Variants in CRISP2 observed in about 807,000 individuals in gnomAD.
CRISP2 encodes the protein cysteine rich secretory protein 2, also known as cysteine-rich secretory protein 2.
CRISP2 carries 29 observed loss-of-function variants against 31.7 expected under a neutral mutation model. The observed-to-expected ratio is 0.92, with a 90% CI of 0.68 to 1.25. CRISP2 has a LOEUF of 1.25. Ranked by LOEUF, CRISP2 falls within the 50% of genes most tolerant of loss-of-function variation. The probability of loss-of-function intolerance (pLI) is 0.00; values close to 1 mark genes in which losing one functional copy is unlikely to be tolerated. For missense variants in CRISP2, 318 were observed against 286.5 expected (o/e 1.11, Z -0.79); for synonymous variants, 111 against 101.4 (o/e 1.09, Z -0.57).
rs1442915414 is a variant in CRISP2 at position 49,701,519 on chromosome 6, TATATATAC to T, written c.67-743_67-736del. Among the ~76,000 whole-genome samples the T allele has an allele frequency of 2.9e-4, 37 of 128,208 alleles. 1 individual carries two copies. Among genetic ancestry groups the T allele is most frequent in the Non-Finnish European group, 4.9e-4 (31 of 62,794 alleles). 84.1% of individuals were successfully genotyped at this position (128,208 alleles called of 152,430 possible). On this transcript the variant is annotated intron_variant, in intron 4 of 9. Transcript: ENST00000339139. ...GTGTGTGTATATATATATATATATA[TATATATAC>T]ACACACACACACACACAGTATATAT...
chr6:49,697,614 A>G, intron 8 of CRISP2: 1 of 901,846 alleles, frequency 1.1e-6, no homozygotes, highest in Non-Finnish European at 1.6e-6. Flanking sequence ...AGCTGAGGGA[A>G]GGCCAATTGA....
At chr6:49,695,958 C>T (rs1764668880) in intron 8 of CRISP2, 34 bp from the exon 9 acceptor site, 5 of 1,439,950 alleles carry the variant, frequency 3.5e-6, no homozygotes, top group Non-Finnish European at 4.9e-6. Flanking sequence ...ATATTTTTCA[C>T]TTTACTGTTT....
At chr6:49,701,343 T>G (rs1231434200) in intron 4 of CRISP2, among the ~76,000 whole-genome samples, 1 of 151,708 alleles carries the variant, frequency 6.6e-6, no homozygotes, top group African/African-American at 2.4e-5. Context: ...TCCTCATAGC[T>G]TAGCTCCCAC....
chr6:49,686,869 A>G, the CRISP2 span, among the ~76,000 whole-genome samples: 1 of 152,210 alleles, frequency 6.6e-6, no homozygotes, highest in African/African-American at 2.4e-5. Context: ...AATACTATGC[A>G]GCCATAAAAA....
At chr6:49,702,144 T>TATATATATATATGTGTAC (rs1766136120) in intron 4 of CRISP2, among the ~76,000 whole-genome samples, 29 of 14,596 alleles carry the variant, frequency 2.0e-3, no homozygotes, top group African/African-American at 9.9e-3. Context: ...GTGTACTATA[T>TATATATATATATGTGTAC]ATATATATAT....
chr6:49,696,582 TAAAGTAA>T (rs1764792897), intron 8 of CRISP2, among the ~76,000 whole-genome samples: 4 of 88,660 alleles, frequency 4.5e-5, no homozygotes, highest in Non-Finnish European at 5.8e-5. Flanking sequence ...TCCCAGAACT[TAAAGTAA>T]AAAAAAAAAA....
the CRISP2 span, among the ~76,000 whole-genome samples, chr6:49,687,137 T>G: frequency 6.6e-6 from 1 of 152,020 alleles, no homozygotes; most frequent in Non-Finnish European, 1.5e-5. Flanking sequence ...CACCAACATG[T>G]CACATGTATA....
chr6:49,697,809 A>C, intron 8 of CRISP2, 51 bp downstream of exon 8: 1 of 1,605,362 alleles, frequency 6.2e-7, no homozygotes, highest in Non-Finnish European at 8.5e-7. Context: ...ATTATTAAAA[A>C]ATAAATTGCA....
the CRISP2 span, among the ~76,000 whole-genome samples, chr6:49,679,275 T>C: frequency 6.6e-6 from 1 of 152,264 alleles, no homozygotes; most frequent in African/African-American, 2.4e-5. Context: ...CTAAATTCCA[T>C]CTTAGTTACT....
chr6:49,710,654 C>T (rs699956), intron 3 of CRISP2, among the ~76,000 whole-genome samples: 138,834 of 152,254 alleles, frequency 0.91, 63,403 homozygotes, highest in East Asian at 0.96. Flanking sequence ...GTATAATTGT[C>T]TCAAGTCACA....
chr6:49,710,432 T>C (rs1033205702), intron 3 of CRISP2, among the ~76,000 whole-genome samples: 4 of 152,190 alleles, frequency 2.6e-5, no homozygotes, highest in African/African-American at 9.7e-5. Context: ...TCAATGACTT[T>C]GAAAGAGACA....
Position 49,712,613 on chromosome 6 carries a change from A to G in CRISP2, c.-150-9T>C, listed in dbSNP as rs1768224709. 1 of 152,166 alleles carries G rather than the reference A, an allele frequency of 6.6e-6. No homozygotes were observed. Among genetic ancestry groups the G allele is most frequent in the Admixed American group, 6.5e-5 (1 of 15,272 alleles). The allele number at this position is 152,166 out of a possible 1,614,324, so 9.4% of individuals were successfully genotyped here. On this transcript the variant is annotated splice_polypyrimidine_tract_variant and intron_variant, in intron 1 of 9. Coordinates refer to ENST00000339139, the MANE Select transcript of CRISP2 (RefSeq NM_003296.4). The stretch of plus-strand genomic sequence containing the variant: ...TGTATAATTTTATAACCCTAGAACA[A>G]GGAAACAAAATATTTAAAATAAAGA...
chr6:49,700,317 A>T (rs545876859), intron 5 of CRISP2, among the ~76,000 whole-genome samples: 1 of 152,188 alleles, frequency 6.6e-6, no homozygotes, highest in South Asian at 2.1e-4. Flanking sequence ...GTGCCCTGGG[A>T]AGTGGGCTTT....
chr6:49,697,684 GAGA>G (rs1765000272), intron 8 of CRISP2, 173 bp downstream of exon 8: 1 of 1,504,886 alleles, frequency 6.6e-7, no homozygotes, highest in Non-Finnish European at 8.9e-7. Context: ...ACCTGAAAGT[GAGA>G]AGTTGTTCTC....
intron 3 of CRISP2, among the ~76,000 whole-genome samples, chr6:49,710,465 G>A (rs1237319603): frequency 1.3e-5 from 2 of 152,164 alleles, no homozygotes; most frequent in African/African-American, 2.4e-5. Flanking sequence ...AAGAGACACA[G>A]TTTTAATTGG....
chr6:49,683,172 A>G, the CRISP2 span, among the ~76,000 whole-genome samples: 1 of 146,702 alleles, frequency 6.8e-6, no homozygotes, highest in Admixed American at 6.8e-5. Flanking sequence ...ATAAATAAAT[A>G]AATAAATAAA....
Position 49,700,784 on chromosome 6 carries a change from C to A in CRISP2, c.67G>T (p.Asp23Tyr). 2 of 1,570,396 alleles carry A rather than the reference C, an allele frequency of 1.3e-6. No homozygotes were observed. Among genetic ancestry groups the A allele is most frequent in the Non-Finnish European group, 1.7e-6 (2 of 1,143,828 alleles). Reference protein sequence around the residue: ...LLPSLPAEGKDPAFTALLTTQ... With the variant: ...LLPSLPAEGKYPAFTALLTTQ... ...GTTAACAAAGCAGTAAAAGCGGGAT[C>A]CTAAAAGAAAATAAAATTGGAATTA... Residue 23 changes from aspartate to tyrosine, a missense_variant and splice_region_variant, in exon 5 of 10, where the codon GAT becomes TAT. Coordinates refer to ENST00000339139, the MANE Select transcript of CRISP2 (RefSeq NM_003296.4).
intron 2 of CRISP2, among the ~76,000 whole-genome samples, chr6:49,712,246 T>C (rs1300174307): frequency 6.6e-6 from 1 of 152,188 alleles, no homozygotes; most frequent in Non-Finnish European, 1.5e-5. Flanking sequence ...ACCCAGTGTA[T>C]GCATCTGATG....
chr6:49,694,700 T>C (rs767556957), intron 9 of CRISP2, among the ~76,000 whole-genome samples: 2 of 151,932 alleles, frequency 1.3e-5, no homozygotes, highest in Non-Finnish European at 2.9e-5. Context: ...TGTTAGCAAA[T>C]AGCATTCAGC....
Sources: allele counts gnomAD v4.1 joint callset (sites outside exome capture counted in the v4.1 genomes callset), GRCh38; gene constraint gnomAD v4.1.1; transcripts MANE v1.5; gene names NCBI Gene and HGNC (gene_info 2026-07-23, HGNC 2026-07-21).